METTL15: variants seen among roughly 807,000 people sequenced by gnomAD.
The protein encoded by METTL15 is methyltransferase 15, mitochondrial 12S rRNA N4-cytidine.
In METTL15, 34 loss-of-function variants were observed where a neutral mutation model predicts 38.3. The ratio of observed to expected loss-of-function variants is 0.89; its 90% CI spans 0.68 to 1.18. The LOEUF (loss-of-function observed/expected upper bound fraction) is 1.18, where lower values mean the gene tolerates loss of function less well. Ranked by LOEUF, METTL15 falls within the 50% of genes most tolerant of loss-of-function variation. The pLI is 0.00. For synonymous variants in METTL15, 162 were observed against 170.9 expected, an observed-to-expected ratio of 0.95 and a Z score of 0.41; for missense variants, 438 against 498.4, an observed-to-expected ratio of 0.88 and a Z score of 1.15.
intron 5 of METTL15, among the ~76,000 whole-genome samples, chr11:28,369,499 A>C (rs1850222077): frequency 6.6e-6 from 1 of 152,142 alleles, no homozygotes; most frequent in Non-Finnish European, 1.5e-5. Flanking sequence ...AAGATACATT[A>C]TAATCAAACC....
intron 2 of METTL15, 88 bp downstream of exon 2, chr11:28,110,489 C>T (rs1224973722): frequency 6.6e-6 from 1 of 152,188 alleles, no homozygotes. Context: ...TGGATTCGTC[C>T]GGAGCAAAAG....
intron 3 of METTL15, among the ~76,000 whole-genome samples, chr11:28,116,297 G>A (rs1286581496): frequency 6.6e-6 from 1 of 152,026 alleles, no homozygotes; most frequent in African/African-American, 2.4e-5. Context: ...ATTCACAAGA[G>A]AAAAAAGTAT....
At chr11:28,236,300 G>T (rs1388692676) in intron 4 of METTL15, among the ~76,000 whole-genome samples, 1 of 152,062 alleles carries the variant, frequency 6.6e-6, no homozygotes, top group Non-Finnish European at 1.5e-5. Context: ...TGGCTTTGGT[G>T]TCAGGATGAT....
chr11:28,256,502 TA>T (rs1252929480), intron 4 of METTL15, among the ~76,000 whole-genome samples: 1 of 152,210 alleles, frequency 6.6e-6, no homozygotes, highest in Non-Finnish European at 1.5e-5. Context: ...TAGTCATTCA[TA>T]GTAGTCACTA....
chr11:28,508,080 A>G (rs557821230), intron 6 of METTL15, among the ~76,000 whole-genome samples: 2 of 152,258 alleles, frequency 1.3e-5, no homozygotes, highest in South Asian at 4.1e-4. Flanking sequence ...GTCCTGTACT[A>G]CAGTTGTAAA....
intron 3 of METTL15, among the ~76,000 whole-genome samples, chr11:28,162,046 A>C (rs1850484409): frequency 6.6e-6 from 1 of 152,040 alleles, no homozygotes; most frequent in South Asian, 2.1e-4. Flanking sequence ...TTTTTGACTT[A>C]TTTTTTCACA....
intron 3 of METTL15, among the ~76,000 whole-genome samples, chr11:28,127,924 G>A (rs1004466599): frequency 6.6e-6 from 1 of 151,996 alleles, no homozygotes; most frequent in Non-Finnish European, 1.5e-5. Context: ...TTCTTTTCAT[G>A]TGTTTATAGC....
rs1362133086 is a variant in METTL15, at chr11:28,290,262, A to C, written c.464A>C (p.Lys155Thr). ...QFSQAEALLM[K>T]AGVQPGTFDG... ...AGCCAGGCAGAAGCCTTATTAATGA[A>C]AGCTGGAGTGCAGCCAGGAACTTTT... Residue 155 changes from lysine (K) to threonine (T), a missense_variant, in exon 5 of 7, where the codon AAA (lysine) becomes ACA (threonine). By Grantham distance (78) the Lys-to-Thr change is moderately conservative (BLOSUM62 -1). Transcript: ENST00000407364. 1.2e-6 allele frequency: 2 copies of C among 1,613,310 alleles called. No individual in the cohort carries two copies. Among genetic ancestry groups the C allele is most frequent in the South Asian group, 2.2e-5 (2 of 91,032 alleles).
At chr11:28,211,315 T>C in intron 4 of METTL15, 117 bp downstream of exon 4, 1 of 865,364 alleles carries the variant, frequency 1.2e-6, no homozygotes, top group Non-Finnish European at 1.6e-6. Context: ...AGTAAATATT[T>C]TCTTCTTTTT....
chr11:28,364,777 G>A (rs1850170661), intron 5 of METTL15, among the ~76,000 whole-genome samples: 1 of 152,126 alleles, frequency 6.6e-6, no homozygotes. Flanking sequence ...AAGGCAAATG[G>A]TTCCAGATTT....
chr11:28,368,194 T>TAAAAAAAAAAAAAAAAAAAA (rs1850207820), intron 5 of METTL15, among the ~76,000 whole-genome samples: 1 of 91,938 alleles, frequency 1.1e-5, no homozygotes. Flanking sequence ...AAAACACAAC[T>TAAAAAAAAAAAAAAAAAAAA]AAAATCAGGG....
chr11:28,157,216 A>G (rs1042433762), intron 3 of METTL15, among the ~76,000 whole-genome samples: 5 of 152,300 alleles, frequency 3.3e-5, no homozygotes, highest in Non-Finnish European at 5.9e-5. Flanking sequence ...ACCTATTTGC[A>G]TTTTGGAGGC....
downstream of METTL15, among the ~76,000 whole-genome samples, chr11:28,531,817 A>G (rs1851844585): frequency 1.3e-5 from 2 of 152,070 alleles, no homozygotes; most frequent in Admixed American, 6.6e-5. Flanking sequence ...AACAAACAGC[A>G]ATAGATAGAC....
chr11:28,266,209 A>G (rs896265450), intron 4 of METTL15, among the ~76,000 whole-genome samples: 3 of 152,204 alleles, frequency 2.0e-5, no homozygotes, highest in African/African-American at 7.2e-5. Flanking sequence ...CCATTACTGG[A>G]TATATACCCA....
At chr11:28,269,974 T>C (rs1855578033) in intron 4 of METTL15, among the ~76,000 whole-genome samples, 2 of 152,214 alleles carry the variant, frequency 1.3e-5, no homozygotes, top group Non-Finnish European at 2.9e-5. Context: ...ATAAAAACAT[T>C]GCTAAACTTG....
intron 5 of METTL15, among the ~76,000 whole-genome samples, chr11:28,371,534 T>C (rs1205403880): frequency 6.6e-6 from 1 of 152,038 alleles, no homozygotes; most frequent in Non-Finnish European, 1.5e-5. Context: ...CCGTATACTT[T>C]TTTAGGAATG....
At chr11:28,132,511 G>C (rs1026175937) in intron 3 of METTL15, among the ~76,000 whole-genome samples, 1 of 150,502 alleles carries the variant, frequency 6.6e-6, no homozygotes, top group African/African-American at 2.4e-5. Flanking sequence ...CTCTCTCTCT[G>C]TTTTTATCAT....
chr11:28,239,245 T>G (rs1854178383), intron 4 of METTL15, among the ~76,000 whole-genome samples: 2 of 152,218 alleles, frequency 1.3e-5, no homozygotes, highest in South Asian at 4.1e-4. Flanking sequence ...ACTTTTGATC[T>G]TCTCCTTAAA....
At chr11:28,193,149 T>G (rs979674635) in intron 3 of METTL15, among the ~76,000 whole-genome samples, 1 of 152,128 alleles carries the variant, frequency 6.6e-6, no homozygotes, top group African/African-American at 2.4e-5. Flanking sequence ...ATTTAGAAGT[T>G]TTCCTTCCAT....
Sources: allele counts gnomAD v4.1 joint callset (sites outside exome capture counted in the v4.1 genomes callset), GRCh38; gene constraint gnomAD v4.1.1; transcripts MANE v1.5; gene names NCBI Gene and HGNC (gene_info 2026-07-23, HGNC 2026-07-21).